Variants in ZNF506 observed in about 807,000 individuals in gnomAD.
The protein encoded by ZNF506 is zinc finger protein 506.
A neutral mutation model predicts 11.6 loss-of-function variants in ZNF506; 10 were observed. That is an observed-to-expected ratio of 0.86 (90% CI 0.53 to 1.46). The LOEUF (loss-of-function observed/expected upper bound fraction) is 1.46. ZNF506 is among the 40% of genes most tolerant of loss of function. ZNF506 has a pLI of 0.00. For missense variants in ZNF506, 425 were observed against 521.2 expected (o/e 0.82, Z 1.80); for synonymous variants, 156 against 173.3 (o/e 0.90, Z 0.78).
intron 3 of ZNF506, chr19:19,796,411 T>C (rs929544764): frequency 6.6e-6 from 1 of 151,906 alleles, no homozygotes; most frequent in African/African-American, 2.4e-5. Context: ...TTTTATTTAT[T>C]TATTTATTTT....
chr19:19,802,208 A>T (rs2145182922), intron 3 of ZNF506, among the ~76,000 whole-genome samples: 1 of 151,522 alleles, frequency 6.6e-6, no homozygotes, highest in East Asian at 1.9e-4. Flanking sequence ...CTATCTCAAA[A>T]AAAAAAAAAA....
intron 3 of ZNF506, among the ~76,000 whole-genome samples, chr19:19,800,916 T>C (rs992946671): frequency 1.8e-4 from 28 of 151,984 alleles, no homozygotes; most frequent in South Asian, 2.1e-4. Flanking sequence ...ATCCCAACAC[T>C]AGGGGAGGCC....
chr19:19,819,958 G>A (rs368722874), intron 1 of ZNF506, among the ~76,000 whole-genome samples: 1 of 152,090 alleles, frequency 6.6e-6, no homozygotes, highest in East Asian at 1.9e-4. Flanking sequence ...TTAGCTGGGC[G>A]TGGTGGCACG....
At chr19:19,811,029 T>C (rs1211356071) in intron 1 of ZNF506, among the ~76,000 whole-genome samples, 1 of 152,026 alleles carries the variant, frequency 6.6e-6, no homozygotes, top group East Asian at 1.9e-4. Flanking sequence ...CCAGTTTTGT[T>C]TTTCCTAAGC....
At chr19:19,812,284 C>G (rs1370304891) in intron 1 of ZNF506, among the ~76,000 whole-genome samples, 1 of 152,220 alleles carries the variant, frequency 6.6e-6, no homozygotes, top group African/African-American at 2.4e-5. Context: ...TGAAGGAATT[C>G]CCAGTCACCC....
At chr19:19,817,910 C>T (rs2062945801) in intron 1 of ZNF506, among the ~76,000 whole-genome samples, 2 of 151,558 alleles carry the variant, frequency 1.3e-5, no homozygotes, top group African/African-American at 4.9e-5. Context: ...TCACTGCAAC[C>T]TCTGCCTCCC....
intron 1 of ZNF506, among the ~76,000 whole-genome samples, chr19:19,820,937 T>C (rs1043992467): frequency 3.3e-5 from 5 of 152,066 alleles, no homozygotes; most frequent in Admixed American, 3.3e-4. Context: ...TCTTGCTCTG[T>C]CGCCCAGGCT....
At chr19:19,811,542 G>T (rs952759351) in intron 1 of ZNF506, among the ~76,000 whole-genome samples, 1 of 152,154 alleles carries the variant, frequency 6.6e-6, no homozygotes, top group African/African-American at 2.4e-5. Context: ...AGTGTCTCAC[G>T]CATGTAATCC....
intron 1 of ZNF506, among the ~76,000 whole-genome samples, chr19:19,815,347 T>A (rs1044092556): frequency 1.3e-5 from 2 of 152,064 alleles, no homozygotes; most frequent in Non-Finnish European, 2.9e-5. Flanking sequence ...AGTGTGGACA[T>A]GTCAATGTCT....
At chr19:19,802,002 A>C (rs2062797991) in intron 3 of ZNF506, among the ~76,000 whole-genome samples, 1 of 150,608 alleles carries the variant, frequency 6.6e-6, no homozygotes, top group African/African-American at 2.5e-5. Context: ...TCAGGAGTTC[A>C]AAGACCAGCC....
rs1482986132 is a variant in ZNF506 at position 19,795,039 on chromosome 19, T to G, written c.848A>C (p.Lys283Thr). Residue 283 changes from lysine to threonine, a missense_variant, in exon 4 of 4, where the codon AAA becomes ACA. Coordinates refer to ENST00000540806, the MANE Select transcript of ZNF506 (RefSeq NM_001099269.3). ...GCCACATTTATCACACTTGTATGGT[T>G]TCTCTCCAGTATGAATTTTCTTATG... ...FSHKKIHTGE[K>T]PYKCDKCGKA... is the part of the protein sequence containing the mutation. 1 of 1,613,840 alleles carries G rather than the reference T, an allele frequency of 6.2e-7. No individual in the cohort carries two copies. The highest frequency in any genetic ancestry group is 2.2e-5 in the East Asian group (1 of 44,864).
At chr19:19,802,323 G>T (rs112332518) in intron 3 of ZNF506, among the ~76,000 whole-genome samples, 1 of 152,006 alleles carries the variant, frequency 6.6e-6, no homozygotes, top group African/African-American at 2.4e-5. Flanking sequence ...AAATTTCAGA[G>T]AATATATGCA....
chr19:19,821,566 C>T, intron 1 of ZNF506, 35 bp downstream of exon 1: 1 of 1,614,008 alleles, frequency 6.2e-7, no homozygotes, highest in Non-Finnish European at 8.5e-7. Context: ...ACCAGCCCCT[C>T]TCCCTCTCTC....
chr19:19,797,945 C>T (rs1180117379), intron 3 of ZNF506: 2 of 152,124 alleles, frequency 1.3e-5, no homozygotes, highest in Non-Finnish European at 2.9e-5. Context: ...TAACCAAATC[C>T]TGAGAAAGTA....
rs1030910959 is a variant in ZNF506, at chr19:19,814,995, T to C, written c.3+6606A>G. Among the ~76,000 whole-genome samples the C allele has an allele frequency of 1.5e-4, 23 of 152,168 alleles. No individual in the cohort carries two copies. In the Middle Eastern group the frequency reaches 0.014, roughly 90 times the overall value. ...ATTGTGGGCCGGGCGCTGTGGCTCATGCCTGTAATCCCAGCACTTTGGAAG... is the reference window on the plus strand; with the variant it reads ...ATTGTGGGCCGGGCGCTGTGGCTCACGCCTGTAATCCCAGCACTTTGGAAG... On this transcript the variant is annotated intron_variant, in intron 1 of 3. Coordinates refer to ENST00000540806, the MANE Select transcript of ZNF506 (RefSeq NM_001099269.3).
intron 3 of ZNF506, chr19:19,797,669 C>A (rs908385792): frequency 1.3e-5 from 2 of 151,606 alleles, no homozygotes; most frequent in Admixed American, 6.6e-5. Flanking sequence ...TAGGATATAC[C>A]CAAACATCTA....
rs539867848 is a variant in ZNF506, at chr19:19,800,267, A to G, written c.227-4607T>C. On this transcript the variant is annotated intron_variant, in intron 3 of 3. Coordinates refer to ENST00000540806, the MANE Select transcript of ZNF506 (RefSeq NM_001099269.3). Reference sequence around the variant, plus strand: ...TTAGAAACCGAAGAGTGGTGTTTTAAAAGTGCTAGGAAATGTGAAGAATTG... The same window carrying G: ...TTAGAAACCGAAGAGTGGTGTTTTAGAAGTGCTAGGAAATGTGAAGAATTG... Among the ~76,000 whole-genome samples the G allele has an allele frequency of 2.0e-5, 3 of 151,962 alleles. No homozygotes were observed. The South Asian group carries it at 6.2e-4, about 32-fold the overall frequency.
intron 3 of ZNF506, among the ~76,000 whole-genome samples, chr19:19,805,333 T>C (rs1419299305): frequency 6.6e-6 from 1 of 152,108 alleles, no homozygotes; most frequent in Non-Finnish European, 1.5e-5. Context: ...AATTTTAAAA[T>C]AGTTTATGTC....
At chr19:19,807,848 GT>G in intron 1 of ZNF506, among the ~76,000 whole-genome samples, 1 of 152,052 alleles carries the variant, frequency 6.6e-6, no homozygotes, top group South Asian at 2.1e-4. Flanking sequence ...TAATGCCAAT[GT>G]TTTTGGCCCC....
Sources: gnomAD v4.1 joint callset for allele counts (sites outside exome capture counted in the v4.1 genomes callset) on GRCh38, gnomAD v4.1.1 for gene constraint, MANE v1.5 for transcripts, NCBI Gene and HGNC (gene_info 2026-07-23, HGNC 2026-07-21) for gene names.